IL1RAPL2: variants seen among roughly 807,000 people sequenced by gnomAD.
IL1RAPL2 encodes the protein interleukin 1 receptor accessory protein like 2.
In IL1RAPL2, 3 loss-of-function variants were observed where a neutral mutation model predicts 44.1. The ratio of observed to expected loss-of-function variants is 0.07; its 90% CI spans 0.03 to 0.18. The LOEUF (loss-of-function observed/expected upper bound fraction) is 0.18. Among genes scored for constraint, IL1RAPL2 ranks in the 10% least tolerant of loss-of-function variants. The pLI is 1.00. For missense variants in IL1RAPL2, 391 were observed against 496.4 expected (o/e 0.79, Z 2.02); for synonymous variants, 181 against 178.8 (o/e 1.01, Z -0.10).
chrX:105,222,730 G>A (rs1242273483), intron 3 of IL1RAPL2, among the ~76,000 whole-genome samples: 7 of 112,019 alleles, frequency 6.2e-5, no homozygotes, highest in Non-Finnish European at 1.3e-4. Context: ...CAAGGATGAG[G>A]GAATGCTGAG....
At chrX:105,097,802 A>G (rs1165701172) in intron 2 of IL1RAPL2, among the ~76,000 whole-genome samples, 3 of 111,317 alleles carry the variant, frequency 2.7e-5, no homozygotes, top group Non-Finnish European at 5.7e-5. Context: ...TCACCATAAC[A>G]TAATCCTCCC....
chrX:105,104,478 T>C (rs1002208901), intron 2 of IL1RAPL2, among the ~76,000 whole-genome samples: 3 of 111,736 alleles, frequency 2.7e-5, no homozygotes, highest in African/African-American at 9.8e-5. Context: ...GGATGAACAA[T>C]GGATGTAAAG....
intron 5 of IL1RAPL2, among the ~76,000 whole-genome samples, chrX:105,344,623 G>A (rs918709593): frequency 2.7e-5 from 3 of 111,861 alleles, no homozygotes; most frequent in South Asian, 7.6e-4. Flanking sequence ...ATCCAGTATA[G>A]TTCATTCATA....
chrX:104,668,996 C>G (rs748960200), intron 2 of IL1RAPL2, among the ~76,000 whole-genome samples: 1 of 111,445 alleles, frequency 9.0e-6, no homozygotes, highest in African/African-American at 3.3e-5. Context: ...TGAGGCATAG[C>G]TCTCGTTACT....
At chrX:104,811,802 T>C (rs1932983600) in intron 2 of IL1RAPL2, among the ~76,000 whole-genome samples, 1 of 110,957 alleles carries the variant, frequency 9.0e-6, no homozygotes, top group Non-Finnish European at 1.9e-5. Flanking sequence ...TAGAAGTTCA[T>C]TGAAGGTCTG....
intron 2 of IL1RAPL2, among the ~76,000 whole-genome samples, chrX:104,688,547 T>C (rs1372557825): frequency 9.0e-6 from 1 of 111,425 alleles, no homozygotes; most frequent in Non-Finnish European, 1.9e-5. Context: ...TAAGTGTATG[T>C]TTGTTGAATG....
intron 2 of IL1RAPL2, among the ~76,000 whole-genome samples, chrX:105,031,640 G>T (rs188971538): frequency 1.3e-4 from 14 of 111,715 alleles, no homozygotes; most frequent in Non-Finnish European, 2.6e-4. Flanking sequence ...GCTGGATTCG[G>T]ATTGCCAGTA....
chrX:104,802,597 A>G (rs1170317957), intron 2 of IL1RAPL2, among the ~76,000 whole-genome samples: 1 of 111,071 alleles, frequency 9.0e-6, no homozygotes, highest in Non-Finnish European at 1.9e-5. Flanking sequence ...ACAGTTTTGT[A>G]TTTTGCTTTT....
intron 2 of IL1RAPL2, among the ~76,000 whole-genome samples, chrX:105,064,719 A>G (rs2032116107): frequency 8.9e-6 from 1 of 112,237 alleles, no homozygotes; most frequent in Non-Finnish European, 1.9e-5. Context: ...CATTAAATGG[A>G]AATGGATCAT....
intron 2 of IL1RAPL2, among the ~76,000 whole-genome samples, chrX:104,739,618 A>T (rs891455278): frequency 1.8e-5 from 2 of 111,917 alleles, no homozygotes; most frequent in Non-Finnish European, 3.8e-5. Context: ...TGAAACTGTT[A>T]TGGAGAGAAC....
chrX:105,144,094 G>T (rs867952095), intron 2 of IL1RAPL2, among the ~76,000 whole-genome samples: 36 of 79,562 alleles, frequency 4.5e-4, no homozygotes, highest in Non-Finnish European at 8.3e-4. Flanking sequence ...TCAACAGATG[G>T]GTGTGTGTGT....
At chrX:105,138,461 A>G (rs2033096194) in intron 2 of IL1RAPL2, among the ~76,000 whole-genome samples, 1 of 78,032 alleles carries the variant, frequency 1.3e-5, no homozygotes, top group Non-Finnish European at 2.4e-5. Context: ...TAATCCAATG[A>G]CATATAATTA....
At chrX:105,604,698 A>G (rs1043124784) in intron 6 of IL1RAPL2, among the ~76,000 whole-genome samples, 6 of 111,098 alleles carry the variant, frequency 5.4e-5, no homozygotes, top group Non-Finnish European at 1.1e-4. Flanking sequence ...GCATGCACAC[A>G]CACACAAAGA....
chrX:104,862,926 G>A (rs1922529766), intron 2 of IL1RAPL2, among the ~76,000 whole-genome samples: 1 of 111,249 alleles, frequency 9.0e-6, no homozygotes, highest in Admixed American at 9.6e-5. Context: ...GAGTATCAGA[G>A]GACACTGTGA....
intron 5 of IL1RAPL2, among the ~76,000 whole-genome samples, chrX:105,426,088 T>C (rs2035808089): frequency 9.2e-6 from 1 of 109,017 alleles, no homozygotes; most frequent in Non-Finnish European, 1.9e-5. Flanking sequence ...CAGGGATTGA[T>C]TAATTAATTG....
At chrX:104,986,841 A>G (rs775068627) in intron 2 of IL1RAPL2, among the ~76,000 whole-genome samples, 13 of 112,221 alleles carry the variant, frequency 1.2e-4, no homozygotes, top group Admixed American at 1.1e-3. Flanking sequence ...GTATAGAAAC[A>G]ACTTCAATCT....
intron 10 of IL1RAPL2, among the ~76,000 whole-genome samples, chrX:105,763,516 A>G (rs1028889045): frequency 8.9e-6 from 1 of 111,844 alleles, no homozygotes; most frequent in Non-Finnish European, 1.9e-5. Context: ...AAGAGAAGGA[A>G]GAAGGAAGCA....
At chrX:105,407,177 G>A in intron 5 of IL1RAPL2, 1 of 473,330 alleles carries the variant, frequency 2.1e-6, no homozygotes, top group South Asian at 3.3e-5. Context: ...CACATTTAGA[G>A]GATTATGCTT....
intron 2 of IL1RAPL2, among the ~76,000 whole-genome samples, chrX:104,977,427 C>T (rs1238954340): frequency 1.8e-5 from 2 of 111,998 alleles, no homozygotes; most frequent in Non-Finnish European, 1.9e-5. Flanking sequence ...GTTACAGCCT[C>T]AGGGTTATAG....
Sources: gnomAD v4.1 joint callset for allele counts (sites outside exome capture counted in the v4.1 genomes callset) on GRCh38, gnomAD v4.1.1 for gene constraint, MANE v1.5 for transcripts, NCBI Gene and HGNC (gene_info 2026-07-23, HGNC 2026-07-21) for gene names.